The following XKR6 variants were observed in gnomAD, a reference collection of about 807,000 sequenced individuals.
XKR6 encodes the protein XK-related protein 6.
In XKR6, 22 loss-of-function variants were observed where a neutral mutation model predicts 56.7. That is an observed-to-expected ratio of 0.39 (90% CI 0.28 to 0.55). XKR6 has a LOEUF of 0.55. Among genes scored for constraint, XKR6 ranks in the 20% least tolerant of loss-of-function variants. The pLI, the probability that XKR6 is intolerant of heterozygous loss-of-function variation, is 0.66. For missense variants in XKR6, 852 were observed against 889.0 expected, an observed-to-expected ratio of 0.96 and a Z score of 0.53; for synonymous variants, 524 against 387.8, an observed-to-expected ratio of 1.35 and a Z score of -4.13.
At chr8:11,195,627 C>A (rs1354998260) in intron 1 of XKR6, among the ~76,000 whole-genome samples, 4 of 151,844 alleles carry the variant, frequency 2.6e-5, no homozygotes, top group Admixed American at 6.6e-5. Context: ...CTCAACTTTC[C>A]CCTCAGAAAA....
rs1476098885 is a variant in XKR6 at position 10,930,998 on chromosome 8, A to G, written c.765-6168T>C. Among the ~76,000 whole-genome samples the G allele has an allele frequency of 2.6e-5, 4 of 152,334 alleles. No homozygotes were observed. In the South Asian group the frequency reaches 6.2e-4, roughly 24 times the overall value. On this transcript the variant is annotated intron_variant, in intron 1 of 2. Transcript: ENST00000416569. ...CAAAGGAAGAGGTAAAACTGTCCCT[A>G]TTTGTAAATGACATGATTGTCTAGA...
chr8:11,083,020 G>T (rs1797776856), intron 1 of XKR6, among the ~76,000 whole-genome samples: 1 of 152,222 alleles, frequency 6.6e-6, no homozygotes. Context: ...GCAGCGCACA[G>T]CACTCCGTGT....
chr8:10,903,119 T>C (rs1275967748), intron 2 of XKR6, among the ~76,000 whole-genome samples: 2 of 152,188 alleles, frequency 1.3e-5, no homozygotes, highest in Admixed American at 6.5e-5. Flanking sequence ...AGTGCATCGA[T>C]GAACATGTCT....
intron 1 of XKR6, among the ~76,000 whole-genome samples, chr8:11,153,446 A>G (rs1801357131): frequency 6.6e-6 from 1 of 152,252 alleles, no homozygotes; most frequent in African/African-American, 2.4e-5. Context: ...ATAATTAAAA[A>G]TATCTCAATA....
intron 1 of XKR6, among the ~76,000 whole-genome samples, chr8:11,102,632 G>A (rs375140434): frequency 1.3e-5 from 2 of 152,110 alleles, no homozygotes; most frequent in South Asian, 2.1e-4. Context: ...GAAGCCCACC[G>A]AGGCACCAGT....
At chr8:10,900,856 C>CTT (rs1800016143) in intron 2 of XKR6, among the ~76,000 whole-genome samples, 1 of 9,272 alleles carries the variant, frequency 1.1e-4, no homozygotes, top group Non-Finnish European at 2.0e-4. Flanking sequence ...TGTGCAATTA[C>CTT]CTTTTTTTTT....
intron 2 of XKR6, among the ~76,000 whole-genome samples, chr8:10,913,954 G>A (rs920978523): frequency 3.9e-5 from 6 of 152,170 alleles, no homozygotes; most frequent in African/African-American, 1.4e-4. Flanking sequence ...GCAGGGCTTG[G>A]CAGCCTGGGG....
At position 10,955,019 on chromosome 8, in the gene XKR6, C is replaced by T. The variant is rs148151049; in HGVS notation, c.765-30189G>A. Among the ~76,000 whole-genome samples the T allele has an allele frequency of 3.8e-3, 573 of 152,120 alleles. 3 individuals are homozygous for T. Among genetic ancestry groups the T allele is most frequent in the African/African-American group, 0.013 (546 of 41,500 alleles). On this transcript the variant is annotated intron_variant, in intron 1 of 2. Coordinates refer to ENST00000416569, the MANE Select transcript of XKR6 (RefSeq NM_173683.4). ...GAGTAGCTAGGATTACAGGCATGTGCCACCATGCCCAGCTAATTTTTGTAT... is the reference window on the plus strand; with the variant it reads ...GAGTAGCTAGGATTACAGGCATGTGTCACCATGCCCAGCTAATTTTTGTAT...
chr8:10,987,498 C>T (rs1037037520), intron 1 of XKR6, among the ~76,000 whole-genome samples: 2 of 152,216 alleles, frequency 1.3e-5, no homozygotes, highest in Admixed American at 6.5e-5. Context: ...ATTCCAGCCA[C>T]TTCTCATCAT....
intron 1 of XKR6, among the ~76,000 whole-genome samples, chr8:11,099,495 G>A (rs1484765951): frequency 6.6e-6 from 1 of 152,214 alleles, no homozygotes; most frequent in African/African-American, 2.4e-5. Flanking sequence ...GGGCAGCCCT[G>A]CCTGGAGAGC....
chr8:10,903,723 C>A (rs182359041), intron 2 of XKR6, among the ~76,000 whole-genome samples: 1 of 152,112 alleles, frequency 6.6e-6, no homozygotes, highest in Non-Finnish European at 1.5e-5. Context: ...AGAAGACAGG[C>A]GTCTACAATC....
At chr8:11,088,795 T>A (rs1263679648) in intron 1 of XKR6, among the ~76,000 whole-genome samples, 1 of 152,250 alleles carries the variant, frequency 6.6e-6, no homozygotes, top group African/African-American at 2.4e-5. Context: ...AATAGAATGG[T>A]ATCTGCCCTA....
At chr8:11,061,206 G>A (rs1799825207) in intron 1 of XKR6, among the ~76,000 whole-genome samples, 2 of 152,220 alleles carry the variant, frequency 1.3e-5, no homozygotes, top group Admixed American at 1.3e-4. Context: ...GCTCACACCT[G>A]TAATCTTGGC....
chr8:11,059,702 C>T (rs1343186446), intron 1 of XKR6, among the ~76,000 whole-genome samples: 2 of 128,168 alleles, frequency 1.6e-5, no homozygotes, highest in Non-Finnish European at 1.5e-5. Flanking sequence ...GGGACAGGCG[C>T]GTCTCTGTTC....
At chr8:10,997,632 C>G (rs1266306196) in intron 1 of XKR6, among the ~76,000 whole-genome samples, 1 of 152,156 alleles carries the variant, frequency 6.6e-6, no homozygotes, top group Non-Finnish European at 1.5e-5. Flanking sequence ...GAGTCATGAG[C>G]CTCTGCAGGA....
In XKR6 at chr8:11,117,012, T is replaced by A. The variant is rs193148728; in HGVS notation, c.764+83564A>T. 3.0e-3 allele frequency among the ~76,000 whole-genome samples: 452 copies of A among 152,370 alleles called. 3 individuals carry two copies. Among genetic ancestry groups the A allele is most frequent in the Non-Finnish European group, 4.0e-3 (270 of 68,040 alleles). On this transcript the variant is annotated intron_variant, in intron 1 of 2. Transcript: ENST00000416569. ...ACTCCATCCACCACTTCAGTAATATTACACTGTCTCCCATTTAATAGGATT... is the reference window on the plus strand; with the variant it reads ...ACTCCATCCACCACTTCAGTAATATAACACTGTCTCCCATTTAATAGGATT...
chr8:10,906,555 G>C (rs887590626), intron 2 of XKR6, among the ~76,000 whole-genome samples: 1 of 152,198 alleles, frequency 6.6e-6, no homozygotes, highest in African/African-American at 2.4e-5. Context: ...AAGTAATTGC[G>C]GTTTTGCCAT....
chr8:11,033,054 T>C (rs1377055186), intron 1 of XKR6, among the ~76,000 whole-genome samples: 1 of 151,804 alleles, frequency 6.6e-6, no homozygotes, highest in East Asian at 1.9e-4. Flanking sequence ...AAGATGATGA[T>C]GATGGTAATG....
At chr8:11,043,236 G>A (rs1310988263) in intron 1 of XKR6, among the ~76,000 whole-genome samples, 1 of 151,934 alleles carries the variant, frequency 6.6e-6, no homozygotes, top group African/African-American at 2.4e-5. Context: ...AAAAAAAGAT[G>A]AACACTCTTA....
Sources: allele counts gnomAD v4.1 joint callset (sites outside exome capture counted in the v4.1 genomes callset), GRCh38; gene constraint gnomAD v4.1.1; transcripts MANE v1.5; gene names NCBI Gene and HGNC (gene_info 2026-07-23, HGNC 2026-07-21).